The following CSMD2 variants were observed in gnomAD, a reference collection of about 807,000 sequenced individuals.
CSMD2 encodes CUB and Sushi multiple domains 2, also known as CUB and sushi domain-containing protein 2.
In CSMD2, 130 loss-of-function variants were observed where a neutral mutation model predicts 398.5. The ratio of observed to expected loss-of-function variants is 0.33; its 90% CI spans 0.28 to 0.38. The LOEUF (loss-of-function observed/expected upper bound fraction) is 0.38. Ranked by LOEUF, CSMD2 falls within the 10% of genes least tolerant of loss-of-function variation. The probability of loss-of-function intolerance (pLI) is 1.00; values close to 1 mark genes in which losing one functional copy is unlikely to be tolerated. For synonymous variants in CSMD2, 1,828 were observed against 1,908.5 expected (o/e 0.96, Z 1.10); for missense variants, 3,829 against 4,764.9 (o/e 0.80, Z 5.78).
chr1:34,140,158 G>T (rs1181025216), intron 1 of CSMD2, among the ~76,000 whole-genome samples: 1 of 152,078 alleles, frequency 6.6e-6, no homozygotes, highest in Non-Finnish European at 1.5e-5. Context: ...AGTTATCCAA[G>T]GGCAAGACAC....
chr1:34,080,663 T>C (rs1378092395), intron 2 of CSMD2, among the ~76,000 whole-genome samples: 3 of 152,150 alleles, frequency 2.0e-5, no homozygotes, highest in African/African-American at 7.2e-5. Flanking sequence ...TAAAAATTTA[T>C]GGAATGTGGT....
chr1:33,802,898 A>G (rs1325481698), intron 10 of CSMD2, among the ~76,000 whole-genome samples: 1 of 152,026 alleles, frequency 6.6e-6, no homozygotes, highest in Non-Finnish European at 1.5e-5. Context: ...ACATGCCCCA[A>G]AGTAACCCCA....
intron 13 of CSMD2, among the ~76,000 whole-genome samples, chr1:33,747,023 C>T (rs1190307011): frequency 6.6e-6 from 1 of 152,092 alleles, no homozygotes; most frequent in Admixed American, 6.6e-5. Context: ...ATGAATGAGC[C>T]AAGTTGTTAA....
At chr1:34,091,244 C>T (rs986826958) in intron 1 of CSMD2, among the ~76,000 whole-genome samples, 1 of 152,184 alleles carries the variant, frequency 6.6e-6, no homozygotes, top group Admixed American at 6.5e-5. Context: ...ATCCATGTCC[C>T]AAGCTCAGTA....
intron 3 of CSMD2, among the ~76,000 whole-genome samples, chr1:34,012,829 A>T (rs188673872): frequency 7.2e-5 from 11 of 152,334 alleles, no homozygotes; most frequent in Admixed American, 5.2e-4. Context: ...ACAGTCACAT[A>T]AACAAAGCCA....
chr1:33,809,611 T>C (rs1037722988), intron 10 of CSMD2, among the ~76,000 whole-genome samples: 8 of 151,692 alleles, frequency 5.3e-5, no homozygotes, highest in Admixed American at 5.3e-4. Flanking sequence ...CTATTAAATA[T>C]CAAACAACGA....
chr1:34,056,356 G>C (rs1256656997), intron 2 of CSMD2, among the ~76,000 whole-genome samples: 3 of 152,122 alleles, frequency 2.0e-5, no homozygotes, highest in Non-Finnish European at 2.9e-5. Flanking sequence ...CCAAGGTCAG[G>C]GCCTATGTCT....
chr1:33,545,377 T>C (rs1205205197), intron 57 of CSMD2, among the ~76,000 whole-genome samples: 1 of 152,206 alleles, frequency 6.6e-6, no homozygotes, highest in African/African-American at 2.4e-5. Context: ...TAGATTACTT[T>C]GAGAGTTTTC....
intron 25 of CSMD2, among the ~76,000 whole-genome samples, chr1:33,676,454 A>G (rs1475269593): frequency 2.6e-5 from 4 of 152,232 alleles, no homozygotes; most frequent in Non-Finnish European, 5.9e-5. Flanking sequence ...TCAAGGAAAT[A>G]AAAGAGGATA....
chr1:34,111,094 A>G (rs1331381791), intron 1 of CSMD2, among the ~76,000 whole-genome samples: 1 of 152,170 alleles, frequency 6.6e-6, no homozygotes, highest in East Asian at 1.9e-4. Context: ...TATTTACTTC[A>G]CAAGAGAAAG....
intron 17 of CSMD2, among the ~76,000 whole-genome samples, 186 bp downstream of exon 17, chr1:33,725,163 C>A (rs760251369): frequency 6.6e-6 from 1 of 152,208 alleles, no homozygotes; most frequent in African/African-American, 2.4e-5. Flanking sequence ...ACTCTAAGCT[C>A]CCATGACCTG....
intron 2 of CSMD2, among the ~76,000 whole-genome samples, chr1:34,056,379 G>C (rs1653832267): frequency 6.6e-6 from 1 of 152,262 alleles, no homozygotes; most frequent in South Asian, 2.1e-4. Context: ...TTCATCTCTG[G>C]ATCCCAATGC....
intron 1 of CSMD2, among the ~76,000 whole-genome samples, chr1:34,160,273 G>A (rs1429677453): frequency 6.6e-6 from 1 of 152,216 alleles, no homozygotes; most frequent in African/African-American, 2.4e-5. Context: ...CTCCGCTGCA[G>A]TCAGCTCATT....
intron 3 of CSMD2, among the ~76,000 whole-genome samples, chr1:34,022,883 G>C (rs1278836897): frequency 1.3e-5 from 2 of 152,152 alleles, no homozygotes; most frequent in Non-Finnish European, 2.9e-5. Flanking sequence ...CCAGGCTGGA[G>C]TGCAGTGGCG....
intron 1 of CSMD2, among the ~76,000 whole-genome samples, chr1:34,102,192 G>C (rs1465675305): frequency 6.6e-6 from 1 of 151,920 alleles, no homozygotes; most frequent in Non-Finnish European, 1.5e-5. Context: ...CACCACGCCC[G>C]GCTAATTTTT....
chr1:33,948,535 T>C (rs999249809), intron 3 of CSMD2, among the ~76,000 whole-genome samples: 5 of 152,204 alleles, frequency 3.3e-5, no homozygotes, highest in Non-Finnish European at 7.3e-5. Flanking sequence ...AACACAGCTC[T>C]TACATTCACA....
In CSMD2 at chr1:34,116,779, A is replaced by C. The variant is rs575713017; in HGVS notation, c.188-27586T>G. Among the ~76,000 whole-genome samples, 5 of 152,266 alleles carry C rather than the reference A, an allele frequency of 3.3e-5. No homozygotes were observed. In the East Asian group the frequency reaches 9.6e-4, roughly 29 times the overall value. ...TCTTAACAAATTCAAGAAGATTAAA[A>C]TCATACCAGTTACATTTTCCAACTA... On this transcript the variant is annotated intron_variant, in intron 1 of 70. Transcript: ENST00000373381.
chr1:33,988,190 TG>T (rs1207710510), intron 3 of CSMD2, among the ~76,000 whole-genome samples: 7 of 152,226 alleles, frequency 4.6e-5, no homozygotes, highest in South Asian at 2.1e-4. Flanking sequence ...AAGAAATGAA[TG>T]AAGGAGTGAA....
rs773867111 is a variant in CSMD2 at position 33,559,352 on chromosome 1, C to T, written c.8502G>A (p.Arg2834=). 3.7e-5 allele frequency: 57 copies of T among 1,535,900 alleles called. No homozygotes were observed. The highest frequency in any genetic ancestry group is 1.9e-4 in the South Asian group (16 of 84,056). The change falls in exon 54 of 71, where the codon AGG becomes AGA. Residue 2834 remains arginine (R), a synonymous_variant. Transcript: ENST00000373381. The surrounding 1 kb of genome is among the most constrained non-coding windows in gnomAD (Gnocchi z 4.0). ...NPGYMAEGAA[R]SQCLASGQWS... ...ATTGCCCGCTGGCCAGGCATTGGGACCTAGCAGCCCCCTCAGCCATATACC... is the reference window on the plus strand; with the variant it reads ...ATTGCCCGCTGGCCAGGCATTGGGATCTAGCAGCCCCCTCAGCCATATACC...
Sources: gnomAD v4.1 joint callset for allele counts (sites outside exome capture counted in the v4.1 genomes callset) on GRCh38, gnomAD v4.1.1 for gene constraint, Gnocchi (gnomAD v3.1) non-coding constraint, MANE v1.5 for transcripts, NCBI Gene and HGNC (gene_info 2026-07-23, HGNC 2026-07-21) for gene names.